PLAG1: variants seen among roughly 807,000 people sequenced by gnomAD.
PLAG1 encodes PLAG1 zinc finger, also known as zinc finger protein PLAG1.
A neutral mutation model predicts 35.5 loss-of-function variants in PLAG1; 7 were observed. The ratio of observed to expected loss-of-function variants is 0.20; its 90% CI spans 0.11 to 0.37. PLAG1 has a LOEUF of 0.37. Among genes scored for constraint, PLAG1 ranks in the 10% least tolerant of loss-of-function variants. The probability of loss-of-function intolerance (pLI) is 1.00; values close to 1 mark genes in which losing one functional copy is unlikely to be tolerated. For synonymous variants in PLAG1, 229 were observed against 225.4 expected (o/e 1.02, Z -0.14); for missense variants, 454 against 602.8 (o/e 0.75, Z 2.58).
intron 1 of PLAG1, among the ~76,000 whole-genome samples, chr8:56,181,995 CCA>C (rs1811880508): frequency 6.6e-6 from 1 of 152,164 alleles, no homozygotes; most frequent in South Asian, 2.1e-4. Context: ...GAGATTAGAA[CCA>C]CAGATGATTA....
intron 1 of PLAG1, among the ~76,000 whole-genome samples, chr8:56,207,627 T>C (rs1198286456): frequency 2.6e-5 from 4 of 152,066 alleles, no homozygotes; most frequent in Admixed American, 6.5e-5. Flanking sequence ...AGTAGGCATA[T>C]AAATTTCAAA....
intron 1 of PLAG1, among the ~76,000 whole-genome samples, chr8:56,202,615 C>T (rs1247271155): frequency 1.3e-5 from 2 of 152,194 alleles, no homozygotes; most frequent in African/African-American, 2.4e-5. Flanking sequence ...CCACAACAAA[C>T]TGCTTTCTCT....
At chr8:56,177,188 AT>A (rs1341489225) in intron 2 of PLAG1, among the ~76,000 whole-genome samples, 7 of 152,354 alleles carry the variant, frequency 4.6e-5, no homozygotes, top group Admixed American at 3.9e-4. Flanking sequence ...GTATGTGCTG[AT>A]GCTTTAGTAG....
At chr8:56,171,913 G>C (rs772238712) in intron 2 of PLAG1, among the ~76,000 whole-genome samples, 1 of 152,140 alleles carries the variant, frequency 6.6e-6, no homozygotes, top group Non-Finnish European at 1.5e-5. Context: ...ATCATTAGTA[G>C]ACTGAGATCA....
chr8:56,188,912 C>G (rs1812096734), intron 1 of PLAG1, among the ~76,000 whole-genome samples: 1 of 152,140 alleles, frequency 6.6e-6, no homozygotes, highest in Non-Finnish European at 1.5e-5. Flanking sequence ...TCAATCCATG[C>G]TGGGGCAAAG....
rs1344146334 is a variant in PLAG1 at position 56,164,754 on chromosome 8, G to C, written c.*1489C>G. 1 of 214,660 alleles carries C rather than the reference G, an allele frequency of 4.7e-6. No homozygotes were observed. Among genetic ancestry groups the C allele is most frequent in the Non-Finnish European group, 9.4e-6 (1 of 106,124 alleles). The allele number at this position is 214,660 out of a possible 1,614,324, so 13.3% of individuals were successfully genotyped here. Reference sequence around the variant, plus strand: ...AGATTATGTTGGTTGTCTAATGTGAGGAAAAGCCTATAATTATTCAGTGAA... The same window carrying C: ...AGATTATGTTGGTTGTCTAATGTGACGAAAAGCCTATAATTATTCAGTGAA... On this transcript the variant is annotated 3_prime_UTR_variant, in exon 5 of 5. Coordinates refer to ENST00000316981, the MANE Select transcript of PLAG1 (RefSeq NM_002655.3).
At chr8:56,196,468 A>G (rs1331478147) in intron 1 of PLAG1, among the ~76,000 whole-genome samples, 1 of 152,112 alleles carries the variant, frequency 6.6e-6, no homozygotes, top group Non-Finnish European at 1.5e-5. Flanking sequence ...CTGTCTGGAT[A>G]TGGGTGACCT....
At position 56,161,743 on chromosome 8, in the gene PLAG1, C is replaced by A. The variant is rs1280932533; in HGVS notation, c.*4500G>T. On this transcript the variant is annotated 3_prime_UTR_variant, in exon 5 of 5. Transcript: ENST00000316981. ...TTTTTCTATGGATAAAAAAATACGA[C>A]TGAATGAGACAGAGAAGTTTGTAGC... 1 of 229,528 alleles carries A rather than the reference C, an allele frequency of 4.4e-6. No homozygotes were observed. The highest frequency in any genetic ancestry group is 5.7e-5 in the Admixed American group (1 of 17,638). The allele number at this position is 229,528 out of a possible 1,614,324, so 14.2% of individuals were successfully genotyped here.
chr8:56,196,670 T>A (rs1289414002), intron 1 of PLAG1, among the ~76,000 whole-genome samples: 36 of 152,102 alleles, frequency 2.4e-4, no homozygotes, highest in Admixed American at 2.2e-3. Context: ...CGTGTGCACA[T>A]CTCTTGACCC....
chr8:56,181,890 T>A (rs558707073), intron 1 of PLAG1, among the ~76,000 whole-genome samples: 5 of 152,190 alleles, frequency 3.3e-5, no homozygotes, highest in Non-Finnish European at 5.9e-5. Flanking sequence ...GGATATTTGG[T>A]GATTTTTGCC....
chr8:56,192,389 C>T (rs1003221035), intron 1 of PLAG1, among the ~76,000 whole-genome samples: 1 of 152,180 alleles, frequency 6.6e-6, no homozygotes, highest in African/African-American at 2.4e-5. Context: ...TCGCCAACAA[C>T]TAGGGAAGGC....
chr8:56,196,161 T>C (rs1023910534), intron 1 of PLAG1, among the ~76,000 whole-genome samples: 4 of 152,092 alleles, frequency 2.6e-5, no homozygotes, highest in Non-Finnish European at 5.9e-5. Context: ...ATCATAAATA[T>C]ATAAATGGCA....
intron 1 of PLAG1, among the ~76,000 whole-genome samples, chr8:56,192,248 A>G (rs779611396): frequency 1.3e-5 from 2 of 152,188 alleles, no homozygotes; most frequent in Non-Finnish European, 2.9e-5. Flanking sequence ...AAAAGTGGGC[A>G]CTTATCTTTT....
At chr8:56,195,499 A>G (rs1331313124) in intron 1 of PLAG1, among the ~76,000 whole-genome samples, 1 of 152,180 alleles carries the variant, frequency 6.6e-6, no homozygotes. Flanking sequence ...ATGGAAGCTA[A>G]CCAGCCTTCT....
At position 56,164,401 on chromosome 8, in the gene PLAG1, A is replaced by C. The variant is rs1056317018; in HGVS notation, c.*1842T>G. 1.4e-5 allele frequency: 3 copies of C among 217,896 alleles called. No individual in the cohort carries two copies. Among genetic ancestry groups the C allele is most frequent in the Non-Finnish European group, 2.8e-5 (3 of 108,084 alleles). 13.5% of individuals were successfully genotyped at this position (217,896 alleles called of 1,614,324 possible). On this transcript the variant is annotated 3_prime_UTR_variant, in exon 5 of 5. Transcript: ENST00000316981. ...CAATTTACATTTCTCCACAAATTATACTACTCCCAAATATTTTAAATAATG... is the reference window on the plus strand; with the variant it reads ...CAATTTACATTTCTCCACAAATTATCCTACTCCCAAATATTTTAAATAATG...
intron 1 of PLAG1, among the ~76,000 whole-genome samples, chr8:56,197,871 G>A (rs914994109): frequency 2.0e-5 from 3 of 152,194 alleles, no homozygotes; most frequent in South Asian, 2.1e-4. Context: ...CTTAGCTATG[G>A]AGGGAGCAGG....
intron 1 of PLAG1, among the ~76,000 whole-genome samples, chr8:56,193,301 G>A (rs982082086): frequency 2.6e-5 from 4 of 152,194 alleles, no homozygotes; most frequent in African/African-American, 9.7e-5. Context: ...GGCGATGGGT[G>A]TGAGGATTCA....
chr8:56,201,970 T>TA, intron 1 of PLAG1, among the ~76,000 whole-genome samples: 1 of 151,610 alleles, frequency 6.6e-6, no homozygotes, highest in South Asian at 2.1e-4. Context: ...CTTTTTTTTT[T>TA]TTTTTGTTTT....
At chr8:56,180,995 T>G (rs1289675752) in intron 1 of PLAG1, among the ~76,000 whole-genome samples, 3 of 152,078 alleles carry the variant, frequency 2.0e-5, no homozygotes, top group Non-Finnish European at 4.4e-5. Context: ...ATTAGAGAAA[T>G]GCAAATCAAA....
Sources: allele counts gnomAD v4.1 joint callset (sites outside exome capture counted in the v4.1 genomes callset), GRCh38; gene constraint gnomAD v4.1.1; transcripts MANE v1.5; gene names NCBI Gene and HGNC (gene_info 2026-07-23, HGNC 2026-07-21).